The following PUS7 variants were observed in gnomAD, a reference collection of about 807,000 sequenced individuals.
PUS7 encodes pseudouridine synthase 7.
Under a neutral mutation model 79.8 loss-of-function variants are expected in PUS7, and 48 were observed. That is an observed-to-expected ratio of 0.60 (90% confidence interval 0.48 to 0.76). The LOEUF (loss-of-function observed/expected upper bound fraction) is 0.76, where lower values mean the gene tolerates loss of function less well. Ranked by LOEUF, PUS7 falls within the 30% of genes least tolerant of loss-of-function variation. The pLI is 0.00. For missense variants in PUS7, 729 were observed against 797.6 expected (o/e 0.91, Z 1.04); for synonymous variants, 286 against 272.2 (o/e 1.05, Z -0.50).
At chr7:105,498,773 C>T (rs1825135964) in intron 5 of PUS7, among the ~76,000 whole-genome samples, 1 of 152,094 alleles carries the variant, frequency 6.6e-6, no homozygotes, top group Non-Finnish European at 1.5e-5. Context: ...TCTCCATTGT[C>T]TCTTTCCTTT....
chr7:105,465,057 G>A (rs1265017392), intron 13 of PUS7, among the ~76,000 whole-genome samples: 3 of 152,070 alleles, frequency 2.0e-5, no homozygotes, highest in South Asian at 2.1e-4. Flanking sequence ...GAGCTCAAGC[G>A]ATCCACCCAT....
intron 9 of PUS7, among the ~76,000 whole-genome samples, chr7:105,474,612 C>CAAAAAA (rs10540161): frequency 1.6e-5 from 2 of 126,426 alleles, no homozygotes; most frequent in East Asian, 2.3e-4. Context: ...ACTAAAAATA[C>CAAAAAA]AAAAAAAAAA....
intron 6 of PUS7, among the ~76,000 whole-genome samples, chr7:105,494,531 T>C (rs558167145): frequency 2.0e-5 from 3 of 148,918 alleles, no homozygotes; most frequent in African/African-American, 7.4e-5. Context: ...TGCCTCAGCC[T>C]CCTGAGCAGC....
chr7:105,500,397 G>A (rs1204860833), intron 5 of PUS7, among the ~76,000 whole-genome samples: 1 of 152,098 alleles, frequency 6.6e-6, no homozygotes, highest in Non-Finnish European at 1.5e-5. Context: ...TGAAGGGGAT[G>A]GGTAGAAAGG....
rs1563355795 is a variant in PUS7 at position 105,467,542 on chromosome 7, G to C, written c.1525+795C>G. Among the ~76,000 whole-genome samples, 6 of 151,662 alleles carry C rather than the reference G, an allele frequency of 4.0e-5. No homozygotes were observed. The East Asian group carries it at 9.9e-4, about 25-fold the overall frequency. On this transcript the variant is annotated intron_variant, in intron 12 of 15. Transcript: ENST00000469408. ...CTGACCTCGTGATCTGCCCGCCTTGGCTCCCAAAGTGCTGGGATTACAGGT... is the reference window on the plus strand; with the variant it reads ...CTGACCTCGTGATCTGCCCGCCTTGCCTCCCAAAGTGCTGGGATTACAGGT...
chr7:105,468,431 A>C lies in PUS7; in HGVS notation c.1431T>G (p.His477Gln). 2 of 1,611,086 alleles carry C rather than the reference A, an allele frequency of 1.2e-6. No homozygotes were observed. Among genetic ancestry groups the C allele is most frequent in the Non-Finnish European group, 1.7e-6 (2 of 1,177,838 alleles). Residue 477 changes from histidine to glutamine, a missense_variant, in exon 12 of 16, where the codon CAT becomes CAG. Physicochemically the swap from His to Gln is conservative, Grantham distance 24. Transcript: ENST00000469408. ...IPRNNRLMYI[H>Q]SYQSYVWNNM... is the part of the protein sequence containing the mutation. ...TATTCCACACATAGCTTTGGTAGCT[A>C]TGAATATACATTAAGCGATTATTTC...
At chr7:105,470,942 ATGCTACTTGAAATATAGG>A (rs1190795681) in intron 10 of PUS7, 94 bp from the exon 11 acceptor site, 1 of 1,346,400 alleles carries the variant, frequency 7.4e-7, no homozygotes, top group African/African-American at 1.5e-5. Flanking sequence ...AAATTAGAAA[ATGCTACTTGAAATATAGG>A]TGCTGTTTAT....
rs752375801 is a variant in PUS7, at chr7:105,491,535, C to T, written c.920+5G>A. 2 of 1,555,694 alleles carry T rather than the reference C, an allele frequency of 1.3e-6. No individual in the cohort carries two copies. The highest frequency in any genetic ancestry group is 8.8e-7 in the Non-Finnish European group (1 of 1,130,134). On this transcript the variant is annotated splice_donor_5th_base_variant and intron_variant, in intron 7 of 15. Coordinates refer to ENST00000469408, the MANE Select transcript of PUS7 (RefSeq NM_019042.5). Reference sequence around the variant, plus strand: ...TATAAATCCTGTTACGTGCTCTCTACTTACTTGAGAACAGCAATTTCTTGA... The same window carrying T: ...TATAAATCCTGTTACGTGCTCTCTATTTACTTGAGAACAGCAATTTCTTGA...
In PUS7 at chr7:105,506,225, G is replaced by T. The variant is rs376873352; in HGVS notation, c.447C>A (p.Ser149Arg). ...VHEIGKDGRI[S>R]HLNDLSIPVD... is the part of the protein sequence containing the mutation. ...CTGGAATGGACAAGTCATTCAAATG[G>T]CTGATCCGTCCATCTTTTCCTATTT... The change falls in exon 3 of 16, where the codon AGC becomes AGA. Residue 149 changes from serine (S) to arginine (R), a missense_variant. Physicochemically the swap from Ser to Arg is moderately radical, Grantham distance 110 (BLOSUM62 -1). Transcript: ENST00000469408. 1 of 1,613,474 alleles carries T rather than the reference G, an allele frequency of 6.2e-7. No homozygotes were observed. The highest frequency in any genetic ancestry group is 2.2e-5 in the East Asian group (1 of 44,854).
At chr7:105,496,214 T>TAGAGAGAGAG (rs1441042128) in intron 5 of PUS7, among the ~76,000 whole-genome samples, 9 of 71,766 alleles carry the variant, frequency 1.3e-4, no homozygotes, top group Non-Finnish European at 2.1e-4. Context: ...TATATATATA[T>TAGAGAGAGAG]ATATATATAT....
intron 1 of PUS7, among the ~76,000 whole-genome samples, chr7:105,518,226 T>C (rs1825969134): frequency 6.6e-6 from 1 of 151,594 alleles, no homozygotes; most frequent in African/African-American, 2.4e-5. Context: ...GGTGGGAAGA[T>C]CCACTGCGCC....
At chr7:105,504,070 CTTTTT>C (rs11455671) in intron 4 of PUS7, among the ~76,000 whole-genome samples, 5 of 137,014 alleles carry the variant, frequency 3.6e-5, no homozygotes, top group Non-Finnish European at 7.8e-5. Flanking sequence ...CTTGATGACA[CTTTTT>C]TTTTTTTTTT....
At chr7:105,461,421 A>C (rs818463) in intron 14 of PUS7, among the ~76,000 whole-genome samples, 144,675 of 152,192 alleles carry the variant, frequency 0.95, 68,833 homozygotes, top group Middle Eastern at 0.98. Context: ...GGGTCTCACT[A>C]TATTGCCCAG....
At position 105,475,208 on chromosome 7, in the gene PUS7, T is replaced by C. The variant is rs781226364; in HGVS notation, c.1176-3015A>G. ...ATGTTTTGTACTTTTTTTTTTGAGA[T>C]GGAGTCTCGCTCTGTCACCCAGGCT... On this transcript the variant is annotated intron_variant, in intron 9 of 15. Transcript: ENST00000469408. Among the ~76,000 whole-genome samples, 100 of 152,148 alleles carry C rather than the reference T, an allele frequency of 6.6e-4. 1 individual carries two copies. Among genetic ancestry groups the C allele is most frequent in the South Asian group, 1.5e-3 (7 of 4,820 alleles).
intron 5 of PUS7, chr7:105,497,106 T>C (rs1264706204): frequency 4.2e-6 from 2 of 473,626 alleles, no homozygotes; most frequent in East Asian, 1.2e-4. Context: ...CCGGTAGTTA[T>C]GCGGTGGGTT....
At position 105,492,500 on chromosome 7, in the gene PUS7, ATT is replaced by A. The variant is rs1159017117; in HGVS notation, c.843-885_843-884del. Among the ~76,000 whole-genome samples, 261 of 87,280 alleles carry A rather than the reference ATT, an allele frequency of 3.0e-3. 2 individuals carry two copies. Among genetic ancestry groups the A allele is most frequent in the African/African-American group, 0.012 (238 of 20,064 alleles). 57.3% of individuals were successfully genotyped at this position (87,280 alleles called of 152,430 possible). ...CCACCACATCTGGCTGATTTTTTGT[ATT>A]TTTTTTTTTTTTTTTTTTTTTGAGA... On this transcript the variant is annotated intron_variant, in intron 6 of 15. Coordinates refer to ENST00000469408, the MANE Select transcript of PUS7 (RefSeq NM_019042.5).
intron 1 of PUS7, among the ~76,000 whole-genome samples, chr7:105,509,188 A>C (rs1825607848): frequency 3.8e-4 from 9 of 23,544 alleles, no homozygotes; most frequent in Admixed American, 9.8e-4. Flanking sequence ...CCATCTCAAA[A>C]AAAAAAAAAA....
intron 12 of PUS7, 46 bp from the exon 13 acceptor site, chr7:105,465,460 T>C: frequency 7.5e-7 from 1 of 1,337,620 alleles, no homozygotes; most frequent in African/African-American, 1.4e-5. Flanking sequence ...TAGGCAATAT[T>C]GTTATGAACT....
intron 12 of PUS7, among the ~76,000 whole-genome samples, chr7:105,467,414 T>C (rs960604711): frequency 4.6e-5 from 7 of 151,626 alleles, no homozygotes; most frequent in South Asian, 2.1e-4. Context: ...CTCAGCTTCC[T>C]GAGTAGCTGG....
Sources: gnomAD v4.1 joint callset for allele counts (sites outside exome capture counted in the v4.1 genomes callset) on GRCh38, gnomAD v4.1.1 for gene constraint, MANE v1.5 for transcripts, NCBI Gene and HGNC (gene_info 2026-07-23, HGNC 2026-07-21) for gene names.